NDST3: variants seen among roughly 807,000 people sequenced by gnomAD.
NDST3 encodes the protein N-deacetylase and N-sulfotransferase 3, also known as bifunctional heparan sulfate N-deacetylase/N-sulfotransferase 3.
NDST3 carries 58 observed loss-of-function variants against 96.1 expected under a neutral mutation model. That is an observed-to-expected ratio of 0.60 (90% CI 0.49 to 0.75). The LOEUF is 0.75. Among genes scored for constraint, NDST3 ranks in the 30% least tolerant of loss-of-function variants. The probability of loss-of-function intolerance (pLI) is 0.00; values close to 1 mark genes in which losing one functional copy is unlikely to be tolerated. For synonymous variants in NDST3, 333 were observed against 359.7 expected, an observed-to-expected ratio of 0.93 and a Z score of 0.84; for missense variants, 788 against 1,034.2, an observed-to-expected ratio of 0.76 and a Z score of 3.27.
At chr4:118,173,190 T>C (rs545857738) in intron 6 of NDST3, among the ~76,000 whole-genome samples, 20 of 151,972 alleles carry the variant, frequency 1.3e-4, no homozygotes, top group Non-Finnish European at 2.5e-4. Context: ...TATATACACA[T>C]CTTATTTTAC....
intron 2 of NDST3, among the ~76,000 whole-genome samples, chr4:118,085,473 G>A (rs1728349282): frequency 6.6e-6 from 1 of 152,148 alleles, no homozygotes; most frequent in South Asian, 2.1e-4. Context: ...CACAGTTCCT[G>A]AAAATAATAG....
At chr4:118,210,137 T>C (rs957170265) in intron 6 of NDST3, among the ~76,000 whole-genome samples, 5 of 151,636 alleles carry the variant, frequency 3.3e-5, no homozygotes, top group African/African-American at 1.2e-4. Context: ...TTGGAAAGAG[T>C]TGTGCTGTGT....
At chr4:118,200,565 A>C (rs961813938) in intron 6 of NDST3, among the ~76,000 whole-genome samples, 1 of 152,170 alleles carries the variant, frequency 6.6e-6, no homozygotes, top group African/African-American at 2.4e-5. Flanking sequence ...TACCTTATAT[A>C]AACTTTTTAT....
At chr4:118,137,027 A>T (rs1733157447) in intron 4 of NDST3, among the ~76,000 whole-genome samples, 1 of 152,130 alleles carries the variant, frequency 6.6e-6, no homozygotes, top group Non-Finnish European at 1.5e-5. Context: ...GTTCTTATTT[A>T]GGTTTAAAAA....
intron 2 of NDST3, among the ~76,000 whole-genome samples, chr4:118,079,798 C>T (rs1199468619): frequency 6.6e-6 from 1 of 152,062 alleles, no homozygotes; most frequent in African/African-American, 2.4e-5. Flanking sequence ...CTGAATTAGA[C>T]CCAACAAGTG....
At chr4:118,057,323 A>G (rs1364813567) in intron 2 of NDST3, among the ~76,000 whole-genome samples, 1 of 152,026 alleles carries the variant, frequency 6.6e-6, no homozygotes, top group Non-Finnish European at 1.5e-5. Context: ...CAGTTTTATT[A>G]AAGTCCATGT....
intron 4 of NDST3, among the ~76,000 whole-genome samples, chr4:118,127,291 C>G (rs1732189052): frequency 6.6e-6 from 1 of 151,882 alleles, no homozygotes; most frequent in Non-Finnish European, 1.5e-5. Flanking sequence ...TGGAGAGTTT[C>G]CCCCATGTTT....
At chr4:118,052,291 A>G (rs1725123665) in intron 1 of NDST3, among the ~76,000 whole-genome samples, 1 of 152,028 alleles carries the variant, frequency 6.6e-6, no homozygotes, top group Non-Finnish European at 1.5e-5. Flanking sequence ...AACAGACAAC[A>G]AAATACCACA....
chr4:118,138,038 A>G lies in NDST3; in HGVS notation c.1225-16A>G. 1 of 1,566,816 alleles carries G rather than the reference A, an allele frequency of 6.4e-7. No homozygotes were observed. Among genetic ancestry groups the G allele is most frequent in the Non-Finnish European group, 8.6e-7 (1 of 1,158,874 alleles). ...TAAATCTTTACACGCTCCAATTAACATTTGCTTGGTCTTAGGAGCACGGCA... is the reference window on the plus strand; with the variant it reads ...TAAATCTTTACACGCTCCAATTAACGTTTGCTTGGTCTTAGGAGCACGGCA... On this transcript the variant is annotated splice_polypyrimidine_tract_variant and intron_variant, in intron 4 of 13. Coordinates refer to ENST00000296499, the MANE Select transcript of NDST3 (RefSeq NM_004784.3).
intron 2 of NDST3, among the ~76,000 whole-genome samples, chr4:118,067,593 G>T (rs1207792425): frequency 6.6e-6 from 1 of 152,120 alleles, no homozygotes; most frequent in Non-Finnish European, 1.5e-5. Flanking sequence ...GCTGCTCATT[G>T]TATTCAAAAA....
At chr4:118,248,572 T>A (rs759323021) in intron 12 of NDST3, among the ~76,000 whole-genome samples, 36 of 152,128 alleles carry the variant, frequency 2.4e-4, no homozygotes, top group Non-Finnish European at 2.2e-4. Flanking sequence ...GAACAAAGTA[T>A]CCCCACCTCC....
At chr4:118,164,011 G>T (rs1422592203) in intron 6 of NDST3, among the ~76,000 whole-genome samples, 1 of 151,972 alleles carries the variant, frequency 6.6e-6, no homozygotes, top group Non-Finnish European at 1.5e-5. Context: ...ATACCCAAAG[G>T]AATATAAATT....
At chr4:118,161,997 C>T (rs55747202) in intron 6 of NDST3, among the ~76,000 whole-genome samples, 41,983 of 152,124 alleles carry the variant, frequency 0.28, 7,439 homozygotes, top group Middle Eastern at 0.43. Flanking sequence ...CGGAGCTGTT[C>T]CTATTCAGCC....
intron 2 of NDST3, among the ~76,000 whole-genome samples, chr4:118,090,171 C>G (rs938993171): frequency 6.6e-6 from 1 of 151,942 alleles, no homozygotes; most frequent in African/African-American, 2.4e-5. Context: ...CCACCTATAC[C>G]TACACCTATA....
At chr4:118,123,756 C>T (rs1005008130) in intron 4 of NDST3, among the ~76,000 whole-genome samples, 1 of 151,996 alleles carries the variant, frequency 6.6e-6, no homozygotes, top group Non-Finnish European at 1.5e-5. Flanking sequence ...CTGGAGGGAA[C>T]TCTAAGAGAG....
chr4:118,184,050 CAG>C (rs1736771885), intron 6 of NDST3, among the ~76,000 whole-genome samples: 1 of 152,216 alleles, frequency 6.6e-6, no homozygotes, highest in African/African-American at 2.4e-5. Flanking sequence ...TTTAGTTTTA[CAG>C]AGTCTCACTT....
intron 8 of NDST3, among the ~76,000 whole-genome samples, chr4:118,229,466 T>C (rs941233548): frequency 5.9e-5 from 9 of 152,184 alleles, no homozygotes; most frequent in African/African-American, 2.2e-4. Flanking sequence ...TGACAAAATA[T>C]ATATGCAGGA....
chr4:118,114,202 T>C (rs1368703871), intron 3 of NDST3, among the ~76,000 whole-genome samples: 1 of 152,190 alleles, frequency 6.6e-6, no homozygotes, highest in Non-Finnish European at 1.5e-5. Flanking sequence ...TTGATAGTGG[T>C]GACCATGATT....
intron 6 of NDST3, among the ~76,000 whole-genome samples, chr4:118,185,388 G>A (rs912917714): frequency 3.3e-5 from 5 of 151,430 alleles, no homozygotes; most frequent in South Asian, 2.1e-4. Context: ...AATTTGTGAT[G>A]ATAAATGCTT....
Sources: allele counts gnomAD v4.1 joint callset (sites outside exome capture counted in the v4.1 genomes callset), GRCh38; gene constraint gnomAD v4.1.1; transcripts MANE v1.5; gene names NCBI Gene and HGNC (gene_info 2026-07-23, HGNC 2026-07-21).